COG5: variants seen among roughly 807,000 people sequenced by gnomAD.
COG5 encodes the protein conserved oligomeric Golgi complex subunit 5.
Under a neutral mutation model 110.4 loss-of-function variants are expected in COG5, and 86 were observed. The ratio of observed to expected loss-of-function variants is 0.78; its 90% CI spans 0.65 to 0.93. The LOEUF is 0.93. Ranked by LOEUF, COG5 falls within the 40% of genes least tolerant of loss-of-function variation. The pLI is 0.00. For missense variants in COG5, 1,077 were observed against 987.0 expected (o/e 1.09, Z -1.22); for synonymous variants, 360 against 334.6 (o/e 1.08, Z -0.83).
intron 5 of COG5, among the ~76,000 whole-genome samples, chr7:107,542,635 A>G (rs555776500): frequency 4.5e-4 from 69 of 152,314 alleles, no homozygotes; most frequent in African/African-American, 1.7e-3. Context: ...CATAAGCAGA[A>G]TATTCATATA....
intron 6 of COG5, among the ~76,000 whole-genome samples, chr7:107,488,844 C>G (rs1218574724): frequency 4.0e-5 from 6 of 151,898 alleles, no homozygotes; most frequent in Admixed American, 3.9e-4. Flanking sequence ...AAGACCCTGC[C>G]TCAAAATATT....
intron 6 of COG5, among the ~76,000 whole-genome samples, chr7:107,433,033 T>C (rs1584816297): frequency 6.6e-6 from 1 of 152,116 alleles, no homozygotes; most frequent in East Asian, 1.9e-4. Flanking sequence ...TTCAGTACAC[T>C]AACAGTGAAC....
chr7:107,208,217 G>T (rs1798912354), intron 21 of COG5: 2 of 985,286 alleles, frequency 2.0e-6, no homozygotes, highest in South Asian at 4.7e-5. Flanking sequence ...GGGCATGAAG[G>T]TTCTGGAATC....
chr7:107,286,868 G>A (rs776164707), intron 12 of COG5, among the ~76,000 whole-genome samples: 3 of 151,650 alleles, frequency 2.0e-5, no homozygotes, highest in East Asian at 1.9e-4. Flanking sequence ...AGATCTGATC[G>A]CTATACATGT....
chr7:107,485,259 C>T (rs1029464497), intron 6 of COG5, among the ~76,000 whole-genome samples: 5 of 152,130 alleles, frequency 3.3e-5, no homozygotes, highest in Non-Finnish European at 7.4e-5. Flanking sequence ...AAGAACTGAA[C>T]TTTCATTAAC....
intron 6 of COG5, among the ~76,000 whole-genome samples, chr7:107,427,636 C>T (rs940351929): frequency 1.3e-5 from 2 of 151,898 alleles, no homozygotes; most frequent in Non-Finnish European, 2.9e-5. Flanking sequence ...ACGCCTCCAC[C>T]GAAGCCTCGC....
chr7:107,386,347 C>G (rs538342463), intron 7 of COG5, among the ~76,000 whole-genome samples: 1 of 152,092 alleles, frequency 6.6e-6, no homozygotes, highest in East Asian at 1.9e-4. Context: ...CGGCCTGGAC[C>G]CTCAGCTGGA....
chr7:107,423,626 T>C (rs936777712), intron 6 of COG5, among the ~76,000 whole-genome samples: 1 of 151,052 alleles, frequency 6.6e-6, no homozygotes, highest in African/African-American at 2.4e-5. Context: ...CACTAGCAAA[T>C]GTGATTACCT....
intron 6 of COG5, among the ~76,000 whole-genome samples, chr7:107,439,314 C>T (rs1192387388): frequency 1.3e-5 from 2 of 151,896 alleles, no homozygotes; most frequent in African/African-American, 4.8e-5. Flanking sequence ...CATCCTTTTC[C>T]AGTTACTACT....
At chr7:107,493,856 T>C (rs1401441221) in intron 6 of COG5, among the ~76,000 whole-genome samples, 1 of 152,204 alleles carries the variant, frequency 6.6e-6, no homozygotes, top group Non-Finnish European at 1.5e-5. Flanking sequence ...ACAACTTCTA[T>C]TGGGACACAG....
At chr7:107,302,921 G>C (rs1274703465) in intron 11 of COG5, among the ~76,000 whole-genome samples, 1 of 152,152 alleles carries the variant, frequency 6.6e-6, no homozygotes, top group Non-Finnish European at 1.5e-5. Context: ...TTCTTGCTGT[G>C]TTGTAATAAA....
rs530143207 is a variant in COG5, at chr7:107,350,594, A to G, written c.1026+11439T>C. Among the ~76,000 whole-genome samples, 3 of 152,298 alleles carry G rather than the reference A, an allele frequency of 2.0e-5. No individual in the cohort carries two copies. In the East Asian group the frequency reaches 5.8e-4, roughly 29 times the overall value. On this transcript the variant is annotated intron_variant, in intron 10 of 21. Transcript: ENST00000297135. ...TGCTCTCATTCACAGATTCTAGTTT[A>G]TGAGATTGGCAATTTTTTACTGTGA...
intron 6 of COG5, among the ~76,000 whole-genome samples, chr7:107,468,181 A>C (rs1796415641): frequency 6.6e-6 from 1 of 152,224 alleles, no homozygotes; most frequent in South Asian, 2.1e-4. Context: ...CGTGGTTTGC[A>C]GTTTTAACAT....
intron 6 of COG5, among the ~76,000 whole-genome samples, chr7:107,520,274 T>C (rs777554616): frequency 1.5e-4 from 23 of 152,220 alleles, no homozygotes; most frequent in Non-Finnish European, 3.4e-4. Context: ...CTATTCAACA[T>C]AGCATTGGAA....
At chr7:107,479,629 G>A (rs1797199266) in intron 6 of COG5, among the ~76,000 whole-genome samples, 1 of 152,124 alleles carries the variant, frequency 6.6e-6, no homozygotes, top group Non-Finnish European at 1.5e-5. Context: ...ATAAGAAACA[G>A]ATTACCCGCA....
intron 6 of COG5, among the ~76,000 whole-genome samples, chr7:107,461,478 T>C (rs1374456649): frequency 1.3e-5 from 2 of 152,128 alleles, no homozygotes. Context: ...AACCTAATAA[T>C]GAAAGATTGA....
intron 5 of COG5, among the ~76,000 whole-genome samples, chr7:107,546,655 A>AG (rs1380501497): frequency 6.6e-6 from 1 of 151,872 alleles, no homozygotes; most frequent in Non-Finnish European, 1.5e-5. Context: ...AGCTAGACTA[A>AG]GAAAAAAAAG....
chr7:107,524,923 G>A (rs1206487600), intron 6 of COG5, among the ~76,000 whole-genome samples: 1 of 151,760 alleles, frequency 6.6e-6, no homozygotes, highest in Non-Finnish European at 1.5e-5. Flanking sequence ...GTTTTTTTGT[G>A]GGGTTTTTTG....
rs1798512869 is a variant in COG5 at position 107,203,528 on chromosome 7, A to G, written c.2478T>C (p.Ser826=). Residue 826 remains serine (S), a synonymous_variant, in exon 22 of 22, where the codon TCT becomes TCC. Coordinates refer to ENST00000297135, the MANE Select transcript of COG5 (RefSeq NM_006348.5). Reference sequence around the variant, plus strand: ...AGATTTCATGTCATTACTGAAGAGCAGACATAGCCTTTTGAAGCAGCTGAA... The same window carrying G: ...AGATTTCATGTCATTACTGAAGAGCGGACATAGCCTTTTGAAGCAGCTGAA... ...IMVQLLQKAM[S]ALQ 6.2e-7 allele frequency: 1 copy of G among 1,610,396 alleles called. No individual in the cohort carries two copies. Among genetic ancestry groups the G allele is most frequent in the African/African-American group, 1.3e-5 (1 of 74,856 alleles).
Sources: gnomAD v4.1 joint callset for allele counts (sites outside exome capture counted in the v4.1 genomes callset) on GRCh38, gnomAD v4.1.1 for gene constraint, MANE v1.5 for transcripts, NCBI Gene and HGNC (gene_info 2026-07-23, HGNC 2026-07-21) for gene names.